The following PDGFC variants were observed in gnomAD, a reference collection of about 807,000 sequenced individuals.
PDGFC encodes the protein platelet-derived growth factor C.
A neutral mutation model predicts 35.5 loss-of-function variants in PDGFC; 12 were observed. That is an observed-to-expected ratio of 0.34 (90% CI 0.22 to 0.55). The LOEUF (loss-of-function observed/expected upper bound fraction) is 0.55, where lower values mean the gene tolerates loss of function less well. Ranked by LOEUF, PDGFC falls within the 20% of genes least tolerant of loss-of-function variation. The probability of loss-of-function intolerance (pLI) is 0.91; values close to 1 mark genes in which losing one functional copy is unlikely to be tolerated. For synonymous variants in PDGFC, 159 were observed against 148.8 expected (o/e 1.07, Z -0.50); for missense variants, 322 against 412.4 (o/e 0.78, Z 1.90).
chr4:156,833,630 T>C (rs1728996325), intron 2 of PDGFC, among the ~76,000 whole-genome samples: 4 of 152,226 alleles, frequency 2.6e-5, no homozygotes, highest in Admixed American at 2.6e-4. Flanking sequence ...GGAAAGACAG[T>C]AACTTTTTCG....
chr4:156,933,426 G>T (rs535913177), intron 1 of PDGFC, among the ~76,000 whole-genome samples: 1 of 152,306 alleles, frequency 6.6e-6, no homozygotes, highest in South Asian at 2.1e-4. Flanking sequence ...AGATGATGCT[G>T]TTCACAGCTG....
chr4:156,902,647 T>G (rs891613918), intron 1 of PDGFC, among the ~76,000 whole-genome samples: 2 of 152,190 alleles, frequency 1.3e-5, no homozygotes, highest in Admixed American at 6.5e-5. Flanking sequence ...CATTACTGAA[T>G]AGTATTTTGT....
chr4:156,844,811 C>A (rs1484150089), intron 2 of PDGFC, among the ~76,000 whole-genome samples: 1 of 151,910 alleles, frequency 6.6e-6, no homozygotes, highest in Non-Finnish European at 1.5e-5. Context: ...AACAGACCAA[C>A]AAGGTGAAAT....
intron 1 of PDGFC, among the ~76,000 whole-genome samples, chr4:156,857,319 T>C (rs1489663260): frequency 1.3e-5 from 2 of 152,074 alleles, no homozygotes; most frequent in Non-Finnish European, 1.5e-5. Flanking sequence ...TGTATAAGCC[T>C]TCTGATTTTA....
At chr4:156,899,826 T>G (rs2110758228) in intron 1 of PDGFC, among the ~76,000 whole-genome samples, 1 of 152,174 alleles carries the variant, frequency 6.6e-6, no homozygotes, top group Middle Eastern at 3.4e-3. Flanking sequence ...AAAAATTAAT[T>G]CATTAAAATT....
chr4:156,768,069 T>C, intron 4 of PDGFC, 79 bp from the exon 5 acceptor site: 1 of 834,516 alleles, frequency 1.2e-6, no homozygotes, highest in East Asian at 2.4e-5. Flanking sequence ...GCTCTTTTCA[T>C]AAAGAAATCT....
At chr4:156,798,985 C>T (rs1051340807) in intron 3 of PDGFC, among the ~76,000 whole-genome samples, 3 of 152,168 alleles carry the variant, frequency 2.0e-5, no homozygotes, top group African/African-American at 7.2e-5. Context: ...ACGTTTATGT[C>T]CAATGCCTAC....
intron 1 of PDGFC, among the ~76,000 whole-genome samples, chr4:156,892,350 T>G (rs981694125): frequency 1.3e-5 from 2 of 152,188 alleles, no homozygotes; most frequent in African/African-American, 4.8e-5. Flanking sequence ...TGATAGCAAC[T>G]AAAACTCAAT....
intron 1 of PDGFC, among the ~76,000 whole-genome samples, chr4:156,932,121 G>C (rs1413730045): frequency 6.6e-6 from 1 of 152,066 alleles, no homozygotes; most frequent in Non-Finnish European, 1.5e-5. Context: ...GCTCTGTTTT[G>C]ATCAGGAGTC....
chr4:156,927,297 C>T (rs967160933), intron 1 of PDGFC, among the ~76,000 whole-genome samples: 5 of 152,156 alleles, frequency 3.3e-5, no homozygotes, highest in African/African-American at 1.2e-4. Flanking sequence ...GACATTTTTC[C>T]CATTGTCTTA....
At chr4:156,793,898 C>G (rs1016461756) in intron 3 of PDGFC, among the ~76,000 whole-genome samples, 1 of 151,422 alleles carries the variant, frequency 6.6e-6, no homozygotes, top group Non-Finnish European at 1.5e-5. Flanking sequence ...AAATGTGAAG[C>G]ACTCAAGGTT....
chr4:156,784,493 C>G (rs919809005), intron 3 of PDGFC, among the ~76,000 whole-genome samples: 1 of 151,542 alleles, frequency 6.6e-6, no homozygotes, highest in Non-Finnish European at 1.5e-5. Flanking sequence ...GAAGTTTCAT[C>G]GAAGTAAGAA....
intron 1 of PDGFC, among the ~76,000 whole-genome samples, chr4:156,925,441 A>T: frequency 6.6e-6 from 1 of 152,194 alleles, no homozygotes; most frequent in East Asian, 1.9e-4. Flanking sequence ...GGATGCAATC[A>T]GGGCAGATAC....
chr4:156,927,222 T>C (rs533033354), intron 1 of PDGFC, among the ~76,000 whole-genome samples: 1 of 152,252 alleles, frequency 6.6e-6, no homozygotes, highest in African/African-American at 2.4e-5. Flanking sequence ...AAACCATTTT[T>C]TCCTCCTAGG....
intron 1 of PDGFC, among the ~76,000 whole-genome samples, chr4:156,912,192 T>C (rs1176116230): frequency 6.6e-6 from 1 of 152,020 alleles, no homozygotes; most frequent in East Asian, 1.9e-4. Context: ...GAAATCAAGA[T>C]TGAACAAGGG....
chr4:156,820,604 G>A (rs562630013), intron 2 of PDGFC, among the ~76,000 whole-genome samples: 1 of 152,066 alleles, frequency 6.6e-6, no homozygotes, highest in South Asian at 2.1e-4. Flanking sequence ...GCAGTGATCT[G>A]GTACCTAACC....
chr4:156,763,556 G>A (rs3815862), intron 5 of PDGFC, among the ~76,000 whole-genome samples: 29,641 of 151,922 alleles, frequency 0.2, 3,163 homozygotes, highest in South Asian at 0.4. Flanking sequence ...TATAAAATTC[G>A]TTTTTCTGTT....
intron 2 of PDGFC, among the ~76,000 whole-genome samples, chr4:156,819,613 T>C (rs939426307): frequency 1.3e-5 from 2 of 152,200 alleles, no homozygotes; most frequent in African/African-American, 2.4e-5. Flanking sequence ...TCATTTGCAA[T>C]CCACCTGGTC....
intron 1 of PDGFC, among the ~76,000 whole-genome samples, chr4:156,966,476 A>G (rs778213899): frequency 6.6e-6 from 1 of 152,184 alleles, no homozygotes; most frequent in Admixed American, 6.5e-5. Context: ...AAATTTATGA[A>G]TGTCTTAATT....
Sources: allele counts gnomAD v4.1 joint callset (sites outside exome capture counted in the v4.1 genomes callset), GRCh38; gene constraint gnomAD v4.1.1; transcripts MANE v1.5; gene names NCBI Gene and HGNC (gene_info 2026-07-23, HGNC 2026-07-21).